The following CPNE8 variants were observed in gnomAD, a reference collection of about 807,000 sequenced individuals.
CPNE8 encodes copine 8.
CPNE8 carries 45 observed loss-of-function variants against 81.5 expected under a neutral mutation model. The observed-to-expected ratio is 0.55, with a 90% CI of 0.44 to 0.71. CPNE8 has a LOEUF of 0.71. CPNE8 is among the 30% of genes least tolerant of loss of function. The pLI is 0.00. For synonymous variants in CPNE8, 252 were observed against 226.3 expected (o/e 1.11, Z -1.02); for missense variants, 594 against 672.1 (o/e 0.88, Z 1.28).
chr12:38,884,678 C>T (rs1311047533), intron 1 of CPNE8, among the ~76,000 whole-genome samples: 4 of 152,172 alleles, frequency 2.6e-5, no homozygotes, highest in Non-Finnish European at 5.9e-5. Flanking sequence ...AATTTCTCCA[C>T]ATCCTCTCCA....
Position 38,872,844 on chromosome 12 carries a change from T to C in CPNE8, c.186+160A>G, listed in dbSNP as rs192603784. On this transcript the variant is annotated intron_variant, in intron 3 of 19. Transcript: ENST00000331366. ...TAAATCAGCTAAACATTCACTGTTA[T>C]TAAAAACAAAACACAAAGGTAACTT... 1.4e-3 allele frequency among the ~76,000 whole-genome samples: 215 copies of C among 152,314 alleles called. 1 individual carries two copies. The highest frequency in any genetic ancestry group is 4.9e-3 in the African/African-American group (204 of 41,578).
At chr12:38,755,495 C>T (rs1440226534) in intron 10 of CPNE8, among the ~76,000 whole-genome samples, 1 of 152,084 alleles carries the variant, frequency 6.6e-6, no homozygotes, top group African/African-American at 2.4e-5. Flanking sequence ...AAGGATACCG[C>T]TACTGATTGC....
At chr12:38,903,255 C>T (rs371722208) in intron 1 of CPNE8, among the ~76,000 whole-genome samples, 16 of 152,162 alleles carry the variant, frequency 1.1e-4, no homozygotes, top group Non-Finnish European at 1.9e-4. Flanking sequence ...TCAGAAGCAA[C>T]TCAAACAATA....
chr12:38,807,175 C>T (rs1417462665), intron 6 of CPNE8, among the ~76,000 whole-genome samples: 1 of 151,484 alleles, frequency 6.6e-6, no homozygotes, highest in African/African-American at 2.4e-5. Context: ...GGCCATACTG[C>T]CCAAGGTCAT....
At chr12:38,836,869 C>T (rs1171688492) in intron 5 of CPNE8, among the ~76,000 whole-genome samples, 1 of 152,156 alleles carries the variant, frequency 6.6e-6, no homozygotes, top group Non-Finnish European at 1.5e-5. Flanking sequence ...TAAGGAATAG[C>T]TTTTGCTATA....
rs183295873 is a variant in CPNE8 at position 38,776,064 on chromosome 12, T to C, written c.471+174A>G. On this transcript the variant is annotated intron_variant, in intron 7 of 19. Transcript: ENST00000331366. ...ATAACTAATTATACTTTTCAGACTA[T>C]GAAATACAGTCTCTCTGGTCATAGG... Among the ~76,000 whole-genome samples the C allele has an allele frequency of 9.4e-3, 1,429 of 152,282 alleles. 20 individuals are homozygous for C. Among genetic ancestry groups the C allele is most frequent in the South Asian group, 0.04 (195 of 4,826 alleles).
intron 3 of CPNE8, among the ~76,000 whole-genome samples, chr12:38,864,187 T>C (rs367661648): frequency 7.9e-5 from 12 of 152,196 alleles, no homozygotes; most frequent in African/African-American, 2.7e-4. Flanking sequence ...AAAATTTCTG[T>C]TGAGCTGTGT....
intron 15 of CPNE8, among the ~76,000 whole-genome samples, chr12:38,692,343 T>G (rs1411561447): frequency 6.6e-6 from 1 of 151,948 alleles, no homozygotes; most frequent in Non-Finnish European, 1.5e-5. Flanking sequence ...GCACAAATCC[T>G]TCCTTAAGAA....
chr12:38,723,973 C>T (rs976678559), intron 12 of CPNE8, 140 bp from the exon 13 acceptor site: 1 of 548,942 alleles, frequency 1.8e-6, no homozygotes, highest in Non-Finnish European at 3.2e-6. Flanking sequence ...TCTGCTAGGA[C>T]TGATTGTTCT....
At chr12:38,660,436 T>C (rs977853410) in intron 19 of CPNE8, among the ~76,000 whole-genome samples, 1 of 152,130 alleles carries the variant, frequency 6.6e-6, no homozygotes, top group Non-Finnish European at 1.5e-5. Flanking sequence ...AACAGGATCC[T>C]TTTCTTACAC....
intron 6 of CPNE8, among the ~76,000 whole-genome samples, chr12:38,805,589 C>A (rs1349534467): frequency 9.8e-6 from 1 of 102,122 alleles, no homozygotes; most frequent in Non-Finnish European, 2.0e-5. Flanking sequence ...TGCAGCGCAC[C>A]AGCATGGCAC....
chr12:38,832,022 A>G (rs1211033669), intron 5 of CPNE8, among the ~76,000 whole-genome samples: 2 of 152,224 alleles, frequency 1.3e-5, no homozygotes, highest in Non-Finnish European at 2.9e-5. Flanking sequence ...CAAATACAAG[A>G]GAACACATGA....
chr12:38,653,836 C>T lies in CPNE8; in HGVS notation c.*46G>A, dbSNP rs145339671. ...CAGAGCACCAGGCACAAAGCATTAACTCAGCACTTTTGATTTGTAGTTGAC... is the reference window on the plus strand; with the variant it reads ...CAGAGCACCAGGCACAAAGCATTAATTCAGCACTTTTGATTTGTAGTTGAC... On this transcript the variant is annotated 3_prime_UTR_variant, in exon 20 of 20. Coordinates refer to ENST00000331366, the MANE Select transcript of CPNE8 (RefSeq NM_153634.3). 197 of 1,595,494 alleles carry T rather than the reference C, an allele frequency of 1.2e-4. 1 individual carries two copies. The East Asian group carries it at 4.3e-3, about 35-fold the overall frequency.
intron 10 of CPNE8, among the ~76,000 whole-genome samples, chr12:38,741,108 A>G (rs1941089754): frequency 1.3e-5 from 2 of 152,306 alleles, no homozygotes. Context: ...CATACTGCCC[A>G]AGGTAATTTA....
rs574009884 is a variant in CPNE8 at position 38,660,060 on chromosome 12, A to G, written c.1507-5990T>C. 7.2e-5 allele frequency among the ~76,000 whole-genome samples: 11 copies of G among 152,360 alleles called. No individual in the cohort carries two copies. In the East Asian group the frequency reaches 2.1e-3, roughly 29 times the overall value. On this transcript the variant is annotated intron_variant, in intron 19 of 19. Transcript: ENST00000331366. ...CTGCCCAAGGCAATTTATAGATTCA[A>G]TGCCATCCCCATCAAGCTACCGATG...
chr12:38,765,442 A>T (rs1228214889), intron 8 of CPNE8, among the ~76,000 whole-genome samples: 1 of 150,668 alleles, frequency 6.6e-6, no homozygotes, highest in African/African-American at 2.5e-5. Flanking sequence ...GAACATGAGT[A>T]TAAGATCATA....
At chr12:38,696,712 T>C (rs954194913) in intron 14 of CPNE8, among the ~76,000 whole-genome samples, 1 of 152,216 alleles carries the variant, frequency 6.6e-6, no homozygotes, top group Non-Finnish European at 1.5e-5. Flanking sequence ...TAAGAGTTTA[T>C]TGAGACATAA....
At chr12:38,795,200 C>T (rs538081572) in intron 6 of CPNE8, among the ~76,000 whole-genome samples, 6 of 152,294 alleles carry the variant, frequency 3.9e-5, no homozygotes, top group East Asian at 3.9e-4. Context: ...GACCACTTAT[C>T]GTGCAACTTC....
chr12:38,663,857 G>A (rs181738247), intron 19 of CPNE8, among the ~76,000 whole-genome samples: 1 of 152,188 alleles, frequency 6.6e-6, no homozygotes, highest in East Asian at 1.9e-4. Flanking sequence ...TATGTTAACT[G>A]AAATAAGCCA....
Sources: allele counts gnomAD v4.1 joint callset (sites outside exome capture counted in the v4.1 genomes callset), GRCh38; gene constraint gnomAD v4.1.1; transcripts MANE v1.5; gene names NCBI Gene and HGNC (gene_info 2026-07-23, HGNC 2026-07-21).